SLC4A5: variants seen among roughly 807,000 people sequenced by gnomAD.
The protein encoded by SLC4A5 is solute carrier family 4 member 5, also known as electrogenic sodium bicarbonate cotransporter 4.
In SLC4A5, 96 loss-of-function variants were observed where a neutral mutation model predicts 120.4. The ratio of observed to expected loss-of-function variants is 0.80; its 90% CI spans 0.68 to 0.94. SLC4A5 has a LOEUF of 0.94. Among genes scored for constraint, SLC4A5 ranks in the 40% least tolerant of loss-of-function variants. The pLI is 0.00. For synonymous variants in SLC4A5, 550 were observed against 571.1 expected (o/e 0.96, Z 0.53); for missense variants, 1,259 against 1,459.5 (o/e 0.86, Z 2.24).
At chr2:74,287,210 T>C (rs1173865191) in intron 7 of SLC4A5, among the ~76,000 whole-genome samples, 2 of 152,210 alleles carry the variant, frequency 1.3e-5, no homozygotes, top group Non-Finnish European at 2.9e-5. Context: ...ACATCCTCCA[T>C]TCTTTCCCCT....
chr2:74,252,275 C>T (rs1487439862), exon 16 of SLC4A5: 2 of 1,611,034 alleles, frequency 1.2e-6, no homozygotes, highest in Non-Finnish European at 1.7e-6. Context: ...ACTGCCAGCC[C>T]CGCCGCCACT....
intron 26 of SLC4A5, chr2:74,227,448 A>G: frequency 1.3e-6 from 2 of 1,565,122 alleles, no homozygotes; most frequent in South Asian, 1.2e-5. Context: ...TAAATACAGA[A>G]CAAAACAAAA....
At position 74,284,402 on chromosome 2, in the gene SLC4A5, G is replaced by C. The variant is rs576221014; in HGVS notation, c.401+1371C>G. Reference sequence around the variant, plus strand: ...TCACCTTGTTAGCCAGGATGGTCTCGATCTCCTGACCTCATGATCCACCCG... The same window carrying C: ...TCACCTTGTTAGCCAGGATGGTCTCCATCTCCTGACCTCATGATCCACCCG... On this transcript the variant is annotated intron_variant, in intron 8 of 30. Transcript: ENST00000394019. 2.3e-4 allele frequency among the ~76,000 whole-genome samples: 17 copies of C among 73,350 alleles called. 3 individuals are homozygous for C. 48.1% of individuals were successfully genotyped at this position (73,350 alleles called of 152,430 possible).
At chr2:74,240,471 T>A (rs1417787402) in intron 20 of SLC4A5, among the ~76,000 whole-genome samples, 2 of 152,204 alleles carry the variant, frequency 1.3e-5, no homozygotes, top group Non-Finnish European at 2.9e-5. Context: ...CTTAGATGTC[T>A]TTTTTAGCCT....
chr2:74,312,234 T>A (rs1210381496), intron 6 of SLC4A5, among the ~76,000 whole-genome samples: 1 of 149,764 alleles, frequency 6.7e-6, no homozygotes, highest in Non-Finnish European at 1.5e-5. Context: ...TCTATATGTG[T>A]GTGTGTATAT....
At chr2:74,228,611 A>C (rs1694932723) in intron 25 of SLC4A5, among the ~76,000 whole-genome samples, 1 of 151,964 alleles carries the variant, frequency 6.6e-6, no homozygotes, top group Non-Finnish European at 1.5e-5. Flanking sequence ...GCCTGGGCGA[A>C]AGAGACTCTG....
intron 12 of SLC4A5, among the ~76,000 whole-genome samples, chr2:74,257,452 G>T (rs1036373399): frequency 6.6e-6 from 1 of 152,126 alleles, no homozygotes; most frequent in Admixed American, 6.5e-5. Flanking sequence ...CACCGTCTCC[G>T]AGCATCAGGC....
chr2:74,275,169 G>A (rs1268573906), intron 8 of SLC4A5, among the ~76,000 whole-genome samples: 1 of 152,208 alleles, frequency 6.6e-6, no homozygotes, highest in East Asian at 1.9e-4. Context: ...CAGTGGCACA[G>A]CTGGTGGTGA....
rs35096924 is a variant in SLC4A5 at position 74,280,685 on chromosome 2, ATT to A, written c.401+5086_401+5087del. On this transcript the variant is annotated intron_variant, in intron 8 of 30. Coordinates refer to ENST00000394019, the Ensembl canonical transcript of SLC4A5. ...TGATGTTAAGAGGGCATTATACAGGATTTTTTTTTTTTTTTTGAGACAGAGTT... is the reference window on the plus strand; with the variant it reads ...TGATGTTAAGAGGGCATTATACAGGATTTTTTTTTTTTTTGAGACAGAGTT... Among the ~76,000 whole-genome samples the A allele has an allele frequency of 7.9e-3, 1,116 of 140,850 alleles. 20 individuals carry two copies. The highest frequency in any genetic ancestry group is 0.025 in the African/African-American group (977 of 38,348). 92.4% of individuals were successfully genotyped at this position (140,850 alleles called of 152,430 possible).
At chr2:74,230,893 A>AC (rs1670057879) in intron 25 of SLC4A5, among the ~76,000 whole-genome samples, 1 of 151,272 alleles carries the variant, frequency 6.6e-6, no homozygotes, top group South Asian at 2.1e-4. Context: ...TGCAACCTCC[A>AC]CCTCCCGGGT....
At chr2:74,231,791 G>A (rs1302560682) in intron 24 of SLC4A5, among the ~76,000 whole-genome samples, 1 of 152,230 alleles carries the variant, frequency 6.6e-6, no homozygotes, top group Admixed American at 6.5e-5. Context: ...CAGCAGAGCA[G>A]GTGTCAGGGG....
intron 22 of SLC4A5, 59 bp from the exon 23 acceptor site, chr2:74,233,622 T>C (rs554552623): frequency 4.6e-6 from 7 of 1,513,766 alleles, no homozygotes; most frequent in Non-Finnish European, 5.3e-6. Context: ...AGGGCACTTG[T>C]CGCCTGGCCT....
chr2:74,290,189 G>A, intron 7 of SLC4A5: 1 of 985,550 alleles, frequency 1.0e-6, no homozygotes, highest in East Asian at 1.1e-4. Context: ...ACAGGTCCTG[G>A]AGAGAGGAGA....
At chr2:74,247,266 C>A in exon 19 of SLC4A5, 1 of 1,614,126 alleles carries the variant, frequency 6.2e-7, no homozygotes, top group Non-Finnish European at 8.5e-7. Context: ...TGAGTGTAGG[C>A]CAATCCAGAG....
intron 5 of SLC4A5, among the ~76,000 whole-genome samples, chr2:74,322,835 A>G (rs1447046378): frequency 2.0e-5 from 3 of 152,198 alleles, no homozygotes; most frequent in African/African-American, 7.2e-5. Context: ...AGTGACTATG[A>G]AGAAAAGAAA....
At chr2:74,286,735 C>T (rs1175747449) in intron 7 of SLC4A5, among the ~76,000 whole-genome samples, 1 of 152,136 alleles carries the variant, frequency 6.6e-6, no homozygotes, top group Admixed American at 6.5e-5. Flanking sequence ...AGGGGAGCTA[C>T]AGTAGATAGC....
chr2:74,281,018 G>A (rs1671797260), intron 8 of SLC4A5, among the ~76,000 whole-genome samples: 1 of 152,154 alleles, frequency 6.6e-6, no homozygotes, highest in Admixed American at 6.5e-5. Context: ...TGATTTCAGG[G>A]TTGAAACAGA....
chr2:74,236,461 C>T (rs2103930631), intron 21 of SLC4A5, among the ~76,000 whole-genome samples: 1 of 152,232 alleles, frequency 6.6e-6, no homozygotes, highest in South Asian at 2.1e-4. Context: ...CACCTCTCTC[C>T]TCCTCCCCTC....
At chr2:74,328,043 T>G in intron 5 of SLC4A5, 77 bp downstream of exon 5, 4 of 776,880 alleles carry the variant, frequency 5.1e-6, no homozygotes, top group Non-Finnish European at 6.3e-6. Flanking sequence ...ATACTCTGTG[T>G]TCATGCTATG....
Sources: allele counts gnomAD v4.1 joint callset (sites outside exome capture counted in the v4.1 genomes callset), GRCh38; gene constraint gnomAD v4.1.1; transcripts MANE v1.5; gene names NCBI Gene and HGNC (gene_info 2026-07-23, HGNC 2026-07-21).